Variants in CTNND1 observed in about 807,000 individuals in gnomAD.
The protein encoded by CTNND1 is catenin delta 1.
In CTNND1, 16 loss-of-function variants were observed where a neutral mutation model predicts 112.1. The ratio of observed to expected loss-of-function variants is 0.14; its 90% confidence interval spans 0.10 to 0.22. The LOEUF is 0.22. CTNND1 is among the 10% of genes least tolerant of loss of function. The pLI is 1.00. For synonymous variants in CTNND1, 420 were observed against 446.5 expected, an observed-to-expected ratio of 0.94 and a Z score of 0.75; for missense variants, 1,008 against 1,257.0, an observed-to-expected ratio of 0.80 and a Z score of 3.00.
At chr11:57,795,908 G>C (rs1415261390) in intron 5 of CTNND1, among the ~76,000 whole-genome samples, 179 bp downstream of exon 5, 2 of 152,162 alleles carry the variant, frequency 1.3e-5, no homozygotes, top group African/African-American at 4.8e-5. Flanking sequence ...ATGGGATAGG[G>C]AAGACAGAAG....
rs2060382382 is a variant in CTNND1, at chr11:57,788,687, G to A, written c.-213-350G>A. Among the ~76,000 whole-genome samples, 1 of 152,170 alleles carries A rather than the reference G, an allele frequency of 6.6e-6. No homozygotes were observed. Among genetic ancestry groups the A allele is most frequent in the African/African-American group, 2.4e-5 (1 of 41,444 alleles). ...CTGCCTTAGGGGTGGGAAGGGAGGGGGAAGGGCATTCCAACAGCAGTTTTT... is the reference window on the plus strand; with the variant it reads ...CTGCCTTAGGGGTGGGAAGGGAGGGAGAAGGGCATTCCAACAGCAGTTTTT... On this transcript the variant is annotated intron_variant, in intron 1 of 20. Coordinates refer to ENST00000399050, the MANE Select transcript of CTNND1 (RefSeq NM_001085458.2). This position sits in a 1 kb window ranked among gnomAD's most constrained non-coding sequence, Gnocchi z 4.1.
At chr11:57,790,468 C>CCGCCTCCCTGATTTG (rs146423529) in intron 2 of CTNND1, among the ~76,000 whole-genome samples, 35,848 of 147,716 alleles carry the variant, frequency 0.24, 5,208 homozygotes, top group Non-Finnish European at 0.33. Context: ...ACTGCAACCT[C>CCGCCTCCCTGATTTG]CGCTATTCTC....
intron 3 of CTNND1, 125 bp from the exon 4 acceptor site, chr11:57,793,885 C>A: frequency 2.3e-6 from 2 of 853,192 alleles, no homozygotes; most frequent in Non-Finnish European, 1.9e-6. Flanking sequence ...AGTACTGACA[C>A]AAGGACTCCA....
intron 6 of CTNND1, among the ~76,000 whole-genome samples, chr11:57,800,583 T>A (rs1040882522): frequency 1.2e-4 from 19 of 152,182 alleles, no homozygotes; most frequent in Non-Finnish European, 2.9e-5. Context: ...TCCGTGTTAT[T>A]TTAAGACCAT....
chr11:57,808,652 C>T, intron 14 of CTNND1, 112 bp downstream of exon 14: 2 of 1,050,184 alleles, frequency 1.9e-6, no homozygotes, highest in Non-Finnish European at 2.6e-6. Flanking sequence ...AAGGACCCTC[C>T]CCCGCTTCAT....
rs1382181566 is a variant in CTNND1 at position 57,805,937 on chromosome 11, A to G, written c.1778A>G (p.Glu593Gly). 1 of 1,613,668 alleles carries G rather than the reference A, an allele frequency of 6.2e-7. No homozygotes were observed. Among genetic ancestry groups the G allele is most frequent in the Admixed American group, 1.7e-5 (1 of 59,978 alleles). The change falls in exon 10 of 21, where the codon GAG (glutamate) becomes GGG (glycine). Residue 593 changes from glutamate to glycine, a missense_variant. By Grantham distance (98) the Glu-to-Gly change is moderately conservative (BLOSUM62 -2). Coordinates refer to ENST00000399050, the MANE Select transcript of CTNND1 (RefSeq NM_001085458.2). ...LRNLSYQVHR[E>G]IPQAERYQEA... The stretch of plus-strand genomic sequence containing the variant: ...AACTTATCATATCAAGTTCACCGGG[A>G]GATCCCACAGGCAGAGCGTTACCAA...
intron 9 of CTNND1, 46 bp from the exon 10 acceptor site, chr11:57,805,836 C>G: frequency 6.3e-7 from 1 of 1,587,618 alleles, no homozygotes; most frequent in African/African-American, 1.3e-5. Flanking sequence ...GTGGAGAAAT[C>G]ACAATAGACA....
chr11:57,811,352 G>T lies in CTNND1; in HGVS notation c.2551-47G>T, dbSNP rs566344931. 1.7e-5 allele frequency: 25 copies of T among 1,470,888 alleles called. No homozygotes were observed. The African/African-American group carries it at 3.1e-4, about 18-fold the overall frequency. 91.1% of individuals were successfully genotyped at this position (1,470,888 alleles called of 1,614,324 possible). A position where few individuals can be genotyped will look rare whatever the true frequency, so the allele number is the denominator to read the frequency against. On this transcript the variant is annotated intron_variant, in intron 16 of 20. Transcript: ENST00000399050. ...TATGCCCATTAGAGCATAAGATAGG[G>T]TGAATTCAGTATTCTGTCACATTGT...
rs1255160862 is a variant in CTNND1, at chr11:57,818,855, A to G, written c.*2547A>G. ...AGGACTAGAAGATTAGAAACTACCA[A>G]TCCCAACTACGTAATAGGAAAATGT... On this transcript the variant is annotated 3_prime_UTR_variant, in exon 21 of 21. Transcript: ENST00000399050. 5 of 152,204 alleles carry G rather than the reference A, an allele frequency of 3.3e-5. No individual in the cohort carries two copies. The highest frequency in any genetic ancestry group is 5.9e-5 in the Non-Finnish European group (4 of 68,032). The allele number at this position is 152,204 out of a possible 1,614,324, so 9.4% of individuals were successfully genotyped here.
intron 1 of CTNND1, among the ~76,000 whole-genome samples, chr11:57,770,601 C>T (rs1001243520): frequency 1.3e-5 from 2 of 149,790 alleles, no homozygotes; most frequent in South Asian, 2.1e-4. Context: ...TGCAATGAGC[C>T]GAAATCGCGC....
At chr11:57,763,410 C>A (rs560988960) in intron 1 of CTNND1, among the ~76,000 whole-genome samples, 1 of 152,134 alleles carries the variant, frequency 6.6e-6, no homozygotes, top group Non-Finnish European at 1.5e-5. Context: ...CCCTCACCCC[C>A]CTGCCACAAA....
At chr11:57,799,852 C>T (rs777069841) in intron 6 of CTNND1, among the ~76,000 whole-genome samples, 1 of 151,940 alleles carries the variant, frequency 6.6e-6, no homozygotes, top group Non-Finnish European at 1.5e-5. Context: ...CATTTTGGTG[C>T]ATATCCTTTG....
chr11:57,804,703 C>T lies in CTNND1; in HGVS notation c.1645C>T (p.Arg549Trp), dbSNP rs769540092. The T allele has an allele frequency of 2.5e-6, 4 of 1,613,876 alleles. No homozygotes were observed. The highest frequency in any genetic ancestry group is 2.2e-5 in the East Asian group (1 of 44,874). Residue 549 changes from arginine (R) to tryptophan (W), a missense_variant, in exon 9 of 21, where the codon CGG becomes TGG. Transcript: ENST00000399050. ...SERSEARRKLRECDGLVDALI... is the reference protein window; with the variant it reads ...SERSEARRKLWECDGLVDALI... Reference sequence around the variant, plus strand: ...GAGGAGTGAAGCTCGCCGGAAACTTCGGGAATGTGATGGTTTAGTTGATGC... The same window carrying T: ...GAGGAGTGAAGCTCGCCGGAAACTTTGGGAATGTGATGGTTTAGTTGATGC...
intron 1 of CTNND1, among the ~76,000 whole-genome samples, chr11:57,773,873 C>T (rs1212608232): frequency 1.4e-4 from 21 of 151,914 alleles, no homozygotes; most frequent in Admixed American, 9.2e-4. Context: ...ACCCTGGAGG[C>T]GGAGGTTGCA....
chr11:57,789,228 A>G, intron 2 of CTNND1, 73 bp downstream of exon 2: 1 of 1,083,066 alleles, frequency 9.2e-7, no homozygotes, highest in Non-Finnish European at 1.3e-6. Context: ...TATTCCTTTC[A>G]TGTCATAGCA....
At chr11:57,794,922 G>A (rs1355748066) in intron 4 of CTNND1, among the ~76,000 whole-genome samples, 1 of 151,828 alleles carries the variant, frequency 6.6e-6, no homozygotes, top group African/African-American at 2.4e-5. Flanking sequence ...TTTTGGCCAG[G>A]CGTGGTTTGC....
At chr11:57,770,686 A>G (rs1452304865) in intron 1 of CTNND1, among the ~76,000 whole-genome samples, 1 of 152,042 alleles carries the variant, frequency 6.6e-6, no homozygotes, top group Non-Finnish European at 1.5e-5. Context: ...AAGAAAAGAA[A>G]AGATTTTTGT....
chr11:57,796,316 G>A, intron 5 of CTNND1, 141 bp from the exon 6 acceptor site: 2 of 732,760 alleles, frequency 2.7e-6, no homozygotes, highest in Non-Finnish European at 4.3e-6. Context: ...AACCTGGGAG[G>A]CAGAGGTTGC....
intron 12 of CTNND1, among the ~76,000 whole-genome samples, chr11:57,807,627 A>AAAAAAAAAAAAAAAAAG (rs1565367494): frequency 7.1e-6 from 1 of 141,340 alleles, no homozygotes. Flanking sequence ...AAAAAAAAAA[A>AAAAAAAAAAAAAAAAAG]AAAAGAAAAG....
Sources: allele counts gnomAD v4.1 joint callset (sites outside exome capture counted in the v4.1 genomes callset), GRCh38; gene constraint gnomAD v4.1.1; non-coding constraint Gnocchi (gnomAD v3.1); transcripts MANE v1.5; gene names NCBI Gene and HGNC (gene_info 2026-07-23, HGNC 2026-07-21).